Variants in FBN1 observed in about 807,000 individuals in gnomAD.
FBN1 encodes fibrillin-1.
In FBN1, 29 loss-of-function variants were observed where a neutral mutation model predicts 365.1. That is an observed-to-expected ratio of 0.08 (90% confidence interval 0.06 to 0.11). The LOEUF is 0.11. Ranked by LOEUF, FBN1 falls within the 10% of genes least tolerant of loss-of-function variation. The pLI is 1.00. For synonymous variants in FBN1, 1,210 were observed against 1,270.5 expected, an observed-to-expected ratio of 0.95 and a Z score of 1.01; for missense variants, 2,476 against 3,703.2, an observed-to-expected ratio of 0.67 and a Z score of 8.60.
intron 9 of FBN1, among the ~76,000 whole-genome samples, chr15:48,525,526 C>T (rs751093871): frequency 2.0e-5 from 3 of 152,160 alleles, no homozygotes; most frequent in African/African-American, 4.8e-5. Context: ...GCCCTTTCCA[C>T]TCAGCTCTCT....
At chr15:48,459,939 T>C (rs1399617289) in intron 43 of FBN1, among the ~76,000 whole-genome samples, 1 of 152,212 alleles carries the variant, frequency 6.6e-6, no homozygotes, top group Non-Finnish European at 1.5e-5. Flanking sequence ...AAATCAAATG[T>C]CAACTGGCCC....
At chr15:48,447,508 T>A (rs1344383609) in intron 46 of FBN1, among the ~76,000 whole-genome samples, 1 of 152,168 alleles carries the variant, frequency 6.6e-6, no homozygotes, top group Non-Finnish European at 1.5e-5. Flanking sequence ...CTCTGACATC[T>A]TATATGTCTT....
chr15:48,510,493 T>C (rs1368291525), intron 13 of FBN1, among the ~76,000 whole-genome samples: 3 of 152,206 alleles, frequency 2.0e-5, no homozygotes, highest in Non-Finnish European at 4.4e-5. Context: ...AATCACTATT[T>C]ATACTGAAAT....
chr15:48,575,092 A>C (rs1044504634), intron 6 of FBN1, among the ~76,000 whole-genome samples: 3 of 152,262 alleles, frequency 2.0e-5, no homozygotes, highest in African/African-American at 7.2e-5. Context: ...TGTGACACGA[A>C]GTATAAACTC....
intron 6 of FBN1, among the ~76,000 whole-genome samples, chr15:48,547,387 G>A (rs1239344219): frequency 2.6e-5 from 4 of 152,114 alleles, no homozygotes; most frequent in Non-Finnish European, 4.4e-5. Flanking sequence ...TAAATGACAG[G>A]GCATGGGAAT....
chr15:48,417,452 C>CTTCCTTCCTTCT (rs1231503230), intron 63 of FBN1, among the ~76,000 whole-genome samples: 3 of 119,734 alleles, frequency 2.5e-5, no homozygotes, highest in Non-Finnish European at 5.1e-5. Flanking sequence ...CCCTCCTTTC[C>CTTCCTTCCTTCT]TTCCTTCCTT....
intron 34 of FBN1, among the ~76,000 whole-genome samples, 170 bp from the exon 35 acceptor site, chr15:48,472,846 GT>G (rs1308889317): frequency 2.0e-5 from 3 of 152,176 alleles, no homozygotes; most frequent in Non-Finnish European, 4.4e-5. Flanking sequence ...AAATTTACAT[GT>G]GGCTGATTCA....
intron 13 of FBN1, among the ~76,000 whole-genome samples, chr15:48,511,158 A>G (rs1009807149): frequency 3.9e-5 from 6 of 152,146 alleles, no homozygotes; most frequent in African/African-American, 1.2e-4. Context: ...CGTTCATGGC[A>G]TGTCAGTTAC....
At chr15:48,513,747 A>C (rs930502672) in intron 12 of FBN1, 79 bp from the exon 13 acceptor site, 17 of 1,484,962 alleles carry the variant, frequency 1.1e-5, no homozygotes, top group Non-Finnish European at 1.6e-5. Context: ...TTCCTTTTAT[A>C]CATATAAAAC....
intron 34 of FBN1, among the ~76,000 whole-genome samples, chr15:48,473,509 A>C (rs1038708177): frequency 1.3e-5 from 2 of 152,240 alleles, no homozygotes; most frequent in African/African-American, 4.8e-5. Flanking sequence ...ATGTATGTTT[A>C]CATGTGTATA....
At chr15:48,450,088 T>G (rs1253737023) in intron 45 of FBN1, among the ~76,000 whole-genome samples, 1 of 152,232 alleles carries the variant, frequency 6.6e-6, no homozygotes, top group Non-Finnish European at 1.5e-5. Context: ...AAATGCTATT[T>G]AACAAATTAT....
chr15:48,563,250 G>C (rs942315217), intron 6 of FBN1, among the ~76,000 whole-genome samples: 1 of 152,194 alleles, frequency 6.6e-6, no homozygotes, highest in Non-Finnish European at 1.5e-5. Context: ...ACTTGAGAGA[G>C]AGAAAGAGAC....
At position 48,622,635 on chromosome 15, in the gene FBN1, C is replaced by T. The variant is rs549291570; in HGVS notation, c.165-9543G>A. Among the ~76,000 whole-genome samples, 17 of 152,112 alleles carry T rather than the reference C, an allele frequency of 1.1e-4. No homozygotes were observed. The South Asian group carries it at 3.5e-3, about 32-fold the overall frequency. Reference sequence around the variant, plus strand: ...ATATTCACCGTGCTTATTTCTATTCCCCTACAGCCCAAAGATGGACCTTCA... The same window carrying T: ...ATATTCACCGTGCTTATTTCTATTCTCCTACAGCCCAAAGATGGACCTTCA... On this transcript the variant is annotated intron_variant, in intron 2 of 65. Transcript: ENST00000316623.
rs1566909538 is a variant in FBN1 at position 48,487,419 on chromosome 15, C to T, written c.3356G>A (p.Arg1119Lys). ...ACCACCTCGGCATAGGAGAGGATCT[C>T]TCTGACACTCATCAATATCTGCAAA... ...KNCMDIDECQ[R>K]DPLLCRGGVC... is the part of the protein sequence containing the mutation. The change falls in exon 28 of 66, where the codon AGA becomes AAA. Residue 1119 changes from arginine to lysine, a missense_variant. Physicochemically the swap from Arg to Lys is conservative, Grantham distance 26. Coordinates refer to ENST00000316623, the MANE Select transcript of FBN1 (RefSeq NM_000138.5). 1.9e-6 allele frequency: 3 copies of T among 1,614,086 alleles called. No individual in the cohort carries two copies. Among genetic ancestry groups the T allele is most frequent in the Non-Finnish European group, 2.5e-6 (3 of 1,180,014 alleles).
At chr15:48,614,676 T>C (rs1473326740) in intron 2 of FBN1, among the ~76,000 whole-genome samples, 3 of 152,130 alleles carry the variant, frequency 2.0e-5, no homozygotes, top group Admixed American at 1.3e-4. Context: ...GAGGAAATGA[T>C]TGGATAGAGG....
chr15:48,426,963 C>G (rs1385450567), intron 58 of FBN1, among the ~76,000 whole-genome samples: 1 of 152,152 alleles, frequency 6.6e-6, no homozygotes, highest in Non-Finnish European at 1.5e-5. Flanking sequence ...CTCAAAAAAG[C>G]TCTCACCTTT....
At chr15:48,579,155 GCA>G (rs2044372504) in intron 6 of FBN1, among the ~76,000 whole-genome samples, 1 of 152,044 alleles carries the variant, frequency 6.6e-6, no homozygotes, top group Admixed American at 6.6e-5. Context: ...GCAATTTGAG[GCA>G]CAGAGATTTC....
chr15:48,422,132 C>A (rs1158330074), intron 60 of FBN1, 64 bp from the exon 61 acceptor site: 1 of 1,111,538 alleles, frequency 9.0e-7, no homozygotes, highest in Non-Finnish European at 1.4e-6. Flanking sequence ...GGAAGCTGAC[C>A]CTATGAAGCA....
intron 10 of FBN1, 109 bp downstream of exon 10, chr15:48,520,550 G>A: frequency 2.3e-6 from 3 of 1,282,016 alleles, no homozygotes; most frequent in Admixed American, 2.0e-5. Context: ...ATATTTCCTG[G>A]AGACTACTCA....
Sources: gnomAD v4.1 joint callset for allele counts (sites outside exome capture counted in the v4.1 genomes callset) on GRCh38, gnomAD v4.1.1 for gene constraint, MANE v1.5 for transcripts, NCBI Gene and HGNC (gene_info 2026-07-23, HGNC 2026-07-21) for gene names.